Variants in GRID1 observed in about 807,000 individuals in gnomAD.
GRID1 encodes glutamate receptor ionotropic, delta-1.
A neutral mutation model predicts 98.0 loss-of-function variants in GRID1; 28 were observed. The ratio of observed to expected loss-of-function variants is 0.29; its 90% CI spans 0.21 to 0.39. The LOEUF is 0.39. Among genes scored for constraint, GRID1 ranks in the 10% least tolerant of loss-of-function variants. The probability of loss-of-function intolerance (pLI) is 1.00; values close to 1 mark genes in which losing one functional copy is unlikely to be tolerated. For synonymous variants in GRID1, 553 were observed against 538.5 expected, an observed-to-expected ratio of 1.03 and a Z score of -0.37; for missense variants, 1,111 against 1,340.5, an observed-to-expected ratio of 0.83 and a Z score of 2.67.
At chr10:86,041,729 A>G (rs1457900192) in intron 4 of GRID1, among the ~76,000 whole-genome samples, 6 of 152,228 alleles carry the variant, frequency 3.9e-5, no homozygotes, top group African/African-American at 1.4e-4. Context: ...TGTGAGACAG[A>G]ACACTAACAT....
intron 12 of GRID1, among the ~76,000 whole-genome samples, chr10:85,661,336 AT>A (rs1840963405): frequency 6.6e-6 from 1 of 152,082 alleles, no homozygotes; most frequent in South Asian, 2.1e-4. Flanking sequence ...ATATTTCATG[AT>A]TCTATGGCCT....
At chr10:85,817,473 C>T (rs1406590281) in intron 8 of GRID1, among the ~76,000 whole-genome samples, 2 of 152,018 alleles carry the variant, frequency 1.3e-5, no homozygotes, top group Non-Finnish European at 2.9e-5. Context: ...CTGCAGTGGG[C>T]CATATTTGTG....
intron 5 of GRID1, among the ~76,000 whole-genome samples, chr10:85,896,195 TA>T (rs1208652598): frequency 6.6e-6 from 1 of 152,242 alleles, no homozygotes; most frequent in Admixed American, 6.5e-5. Flanking sequence ...TGTCTATTTC[TA>T]GTTAACAGGA....
intron 2 of GRID1, among the ~76,000 whole-genome samples, chr10:86,242,048 T>C (rs905944063): frequency 4.6e-5 from 7 of 152,228 alleles, no homozygotes; most frequent in Non-Finnish European, 8.8e-5. Context: ...GTACACTAAT[T>C]CAATTACACA....
intron 8 of GRID1, among the ~76,000 whole-genome samples, chr10:85,763,930 C>T (rs1237592079): frequency 1.3e-5 from 2 of 152,078 alleles, no homozygotes; most frequent in Non-Finnish European, 2.9e-5. Context: ...TGAAAAAAAT[C>T]CAGCAAAGTC....
chr10:86,000,210 A>T (rs764249711), intron 4 of GRID1, among the ~76,000 whole-genome samples: 7 of 152,236 alleles, frequency 4.6e-5, no homozygotes, highest in Non-Finnish European at 1.0e-4. Context: ...ATCTAAAGAC[A>T]ATACTATTCC....
In GRID1 at chr10:86,317,990, C is replaced by T. The variant is rs552295171; in HGVS notation, c.235+45951G>A. ...TCCTGGCCTCAAGCAATCCTCCCAC[C>T]TTGGTCTCCCAAAGCACTAGGATTA... On this transcript the variant is annotated intron_variant, in intron 2 of 15. Coordinates refer to ENST00000327946, the MANE Select transcript of GRID1 (RefSeq NM_017551.3). Among the ~76,000 whole-genome samples the T allele has an allele frequency of 2.6e-5, 4 of 152,294 alleles. No homozygotes were observed. The East Asian group carries it at 7.7e-4, about 29-fold the overall frequency.
At chr10:86,169,883 C>G (rs1845457410) in intron 3 of GRID1, among the ~76,000 whole-genome samples, 1 of 152,190 alleles carries the variant, frequency 6.6e-6, no homozygotes, top group African/African-American at 2.4e-5. Context: ...TTCTGAGGAT[C>G]CCTCTTCTTC....
intron 8 of GRID1, among the ~76,000 whole-genome samples, chr10:85,776,695 T>C (rs1321383772): frequency 6.6e-6 from 1 of 152,178 alleles, no homozygotes; most frequent in Non-Finnish European, 1.5e-5. Context: ...AAGCAAATGC[T>C]ACCGGTGATC....
chr10:86,081,311 G>C (rs1055049427), intron 4 of GRID1, among the ~76,000 whole-genome samples: 1 of 152,190 alleles, frequency 6.6e-6, no homozygotes, highest in Admixed American at 6.5e-5. Flanking sequence ...GTGTGCCTGA[G>C]AGCTGACTGA....
At chr10:86,107,135 T>C (rs1340092369) in intron 4 of GRID1, among the ~76,000 whole-genome samples, 1 of 152,186 alleles carries the variant, frequency 6.6e-6, no homozygotes, top group African/African-American at 2.4e-5. Context: ...GGAACCCAGA[T>C]ATTAGGCCTG....
At chr10:85,807,159 G>A (rs1842629878) in intron 8 of GRID1, among the ~76,000 whole-genome samples, 1 of 151,996 alleles carries the variant, frequency 6.6e-6, no homozygotes, top group Non-Finnish European at 1.5e-5. Flanking sequence ...AGACCAGCCT[G>A]GCCAACATGG....
Position 86,206,301 on chromosome 10 carries a change from G to C in GRID1, c.520+63C>G, listed in dbSNP as rs1349598694. 27 of 1,507,398 alleles carry C rather than the reference G, an allele frequency of 1.8e-5. No homozygotes were observed. The highest frequency in any genetic ancestry group is 1.8e-4 in the Middle Eastern group (1 of 5,690). 93.4% of individuals were successfully genotyped at this position (1,507,398 alleles called of 1,614,324 possible). A position where few individuals can be genotyped will look rare whatever the true frequency, so the allele number is the denominator to read the frequency against. On this transcript the variant is annotated intron_variant, in intron 3 of 15. Coordinates refer to ENST00000327946, the MANE Select transcript of GRID1 (RefSeq NM_017551.3). This position sits in a 1 kb window ranked among gnomAD's most constrained non-coding sequence, Gnocchi z 4.1. Reference sequence around the variant, plus strand: ...GGTCCAGGGCCCCACCCACTCTCAGGTCTCCCAGCATCTGGCCATCCCTGT... The same window carrying C: ...GGTCCAGGGCCCCACCCACTCTCAGCTCTCCCAGCATCTGGCCATCCCTGT...
chr10:85,760,902 AAC>A (rs1421972233), intron 8 of GRID1, among the ~76,000 whole-genome samples: 1 of 152,176 alleles, frequency 6.6e-6, no homozygotes, highest in Non-Finnish European at 1.5e-5. Flanking sequence ...CTCAGATGAT[AAC>A]ACAGGTCAGA....
intron 4 of GRID1, among the ~76,000 whole-genome samples, chr10:86,097,057 G>A (rs1454997400): frequency 2.6e-5 from 4 of 151,650 alleles, no homozygotes; most frequent in Non-Finnish European, 4.4e-5. Flanking sequence ...TTGGACTCCA[G>A]TACTTACCCC....
intron 8 of GRID1, among the ~76,000 whole-genome samples, chr10:85,769,772 A>T (rs951313424): frequency 2.0e-5 from 3 of 152,134 alleles, no homozygotes; most frequent in Non-Finnish European, 4.4e-5. Flanking sequence ...AGGCTGGGGG[A>T]GGGGCGCCTG....
intron 15 of GRID1, among the ~76,000 whole-genome samples, chr10:85,610,282 G>A (rs192428267): frequency 7.9e-5 from 12 of 152,256 alleles, no homozygotes; most frequent in East Asian, 3.9e-4. Context: ...GTTTTGAGCC[G>A]TTTCCTGCCT....
intron 14 of GRID1, among the ~76,000 whole-genome samples, chr10:85,618,082 C>A (rs1423419395): frequency 6.6e-6 from 1 of 152,212 alleles, no homozygotes; most frequent in Non-Finnish European, 1.5e-5. Flanking sequence ...TGGGAGCCCC[C>A]TCTGCTCTGA....
intron 8 of GRID1, among the ~76,000 whole-genome samples, chr10:85,762,509 A>C (rs1471469102): frequency 6.6e-6 from 1 of 152,160 alleles, no homozygotes; most frequent in Non-Finnish European, 1.5e-5. Flanking sequence ...CAGACATTCT[A>C]CTGTGGACCT....
Sources: allele counts gnomAD v4.1 joint callset (sites outside exome capture counted in the v4.1 genomes callset), GRCh38; gene constraint gnomAD v4.1.1; non-coding constraint Gnocchi (gnomAD v3.1); transcripts MANE v1.5; gene names NCBI Gene and HGNC (gene_info 2026-07-23, HGNC 2026-07-21).